The following SPMAP2L variants were observed in gnomAD, a reference collection of about 807,000 sequenced individuals.
The protein encoded by SPMAP2L is sperm microtubule associated protein 2 like, also known as sperm microtubule associated protein 2-like.
the SPMAP2L span, chr4:56,593,332 CCA>C: frequency 1.9e-5 from 22 of 1,135,018 alleles, no homozygotes; most frequent in Non-Finnish European, 3.0e-5. Context: ...CCATTGCCAC[CCA>C]CAGACAATAG....
chr4:56,558,130 G>A, the SPMAP2L span, among the ~76,000 whole-genome samples: 2 of 151,960 alleles, frequency 1.3e-5, no homozygotes, highest in Non-Finnish European at 2.9e-5. Context: ...CATCATGCCC[G>A]GCTAATTTTT....
At chr4:56,586,229 AT>A in the SPMAP2L span, among the ~76,000 whole-genome samples, 1 of 152,088 alleles carries the variant, frequency 6.6e-6, no homozygotes, top group South Asian at 2.1e-4. Flanking sequence ...AACAAAAGAT[AT>A]TTATTTCTCA....
At chr4:56,549,120 C>G in the SPMAP2L span, among the ~76,000 whole-genome samples, 3 of 151,944 alleles carry the variant, frequency 2.0e-5, 1 homozygote, top group South Asian at 6.2e-4. Flanking sequence ...TCCTGAGTAG[C>G]TGGGATTACG....
At chr4:56,569,065 A>G in the SPMAP2L span, among the ~76,000 whole-genome samples, 1 of 152,202 alleles carries the variant, frequency 6.6e-6, no homozygotes, top group Non-Finnish European at 1.5e-5. Context: ...ATCAGTTGTT[A>G]GACATTGGCC....
At chr4:56,576,336 G>T in the SPMAP2L span, among the ~76,000 whole-genome samples, 7 of 152,180 alleles carry the variant, frequency 4.6e-5, no homozygotes, top group Admixed American at 2.6e-4. Context: ...TAAGAAAGTG[G>T]TGACAGCTGT....
At chr4:56,563,100 T>TTC in the SPMAP2L span, among the ~76,000 whole-genome samples, 1 of 141,118 alleles carries the variant, frequency 7.1e-6, no homozygotes, top group Admixed American at 7.2e-5. Context: ...CTTTTTTTTT[T>TTC]TTTTTTTTTG....
the SPMAP2L span, among the ~76,000 whole-genome samples, chr4:56,581,548 AG>A: frequency 7.3e-3 from 1,105 of 152,124 alleles, 8 homozygotes; most frequent in Non-Finnish European, 0.011. Flanking sequence ...TGAGCCTGGG[AG>A]ATCAAGGCTG....
the SPMAP2L span, among the ~76,000 whole-genome samples, chr4:56,620,279 G>A: frequency 6.6e-6 from 1 of 151,948 alleles, no homozygotes; most frequent in Non-Finnish European, 1.5e-5. Flanking sequence ...TTTTTATGCT[G>A]AAAGAAAAGA....
chr4:56,566,458 A>AGT, the SPMAP2L span, among the ~76,000 whole-genome samples: 1 of 152,028 alleles, frequency 6.6e-6, no homozygotes, highest in Non-Finnish European at 1.5e-5. Flanking sequence ...TGGCCTCCCA[A>AGT]AATGCTGGGA....
the SPMAP2L span, among the ~76,000 whole-genome samples, chr4:56,601,343 G>A: frequency 2.0e-5 from 3 of 152,194 alleles, no homozygotes; most frequent in South Asian, 4.2e-4. Context: ...TCTAGGATGG[G>A]GCAGGTGGAT....
chr4:56,572,910 G>T, the SPMAP2L span, among the ~76,000 whole-genome samples: 1 of 152,000 alleles, frequency 6.6e-6, no homozygotes, highest in African/African-American at 2.4e-5. Flanking sequence ...TAGCTACTTG[G>T]GAAGCTGAGG....
the SPMAP2L span, among the ~76,000 whole-genome samples, chr4:56,597,108 C>T: frequency 1.3e-5 from 2 of 152,166 alleles, no homozygotes; most frequent in Non-Finnish European, 2.9e-5. Context: ...CTATGGTAGT[C>T]AGTGAAGGCC....
chr4:56,566,292 G>A, the SPMAP2L span, among the ~76,000 whole-genome samples: 2 of 152,024 alleles, frequency 1.3e-5, no homozygotes, highest in Non-Finnish European at 2.9e-5. Flanking sequence ...TCTGCCTTCC[G>A]GATTCAAGCA....
the SPMAP2L span, chr4:56,575,436 T>C: frequency 1.3e-6 from 2 of 1,507,312 alleles, no homozygotes; most frequent in Non-Finnish European, 1.8e-6. Flanking sequence ...GGATCGATGT[T>C]GGAAAATACT....
chr4:56,606,522 C>T, the SPMAP2L span, among the ~76,000 whole-genome samples: 1 of 151,780 alleles, frequency 6.6e-6, no homozygotes, highest in Admixed American at 6.6e-5. Context: ...TCTCCTACTA[C>T]CTGTGTCCCT....
At chr4:56,607,530 G>A in the SPMAP2L span, among the ~76,000 whole-genome samples, 3 of 152,178 alleles carry the variant, frequency 2.0e-5, no homozygotes, top group African/African-American at 7.2e-5. Flanking sequence ...AACTGGTAAT[G>A]GACAGAGACT....
chr4:56,607,690 A>T, the SPMAP2L span, among the ~76,000 whole-genome samples: 1 of 152,260 alleles, frequency 6.6e-6, no homozygotes, highest in South Asian at 2.1e-4. Flanking sequence ...GACAGTTGGC[A>T]GAAATATGGA....
At chr4:56,532,612 C>A in the SPMAP2L span, among the ~76,000 whole-genome samples, 1 of 152,166 alleles carries the variant, frequency 6.6e-6, no homozygotes, top group Non-Finnish European at 1.5e-5. Flanking sequence ...TTCTTCATTG[C>A]AGAACTTGTC....
At chr4:56,565,001 T>C in the SPMAP2L span, among the ~76,000 whole-genome samples, 1 of 152,212 alleles carries the variant, frequency 6.6e-6, no homozygotes. Flanking sequence ...GGTTTCTAAT[T>C]TAATACCACT....
Sources: allele counts gnomAD v4.1 joint callset (sites outside exome capture counted in the v4.1 genomes callset), GRCh38; gene constraint gnomAD v4.1.1; transcripts MANE v1.5; gene names NCBI Gene and HGNC (gene_info 2026-07-23, HGNC 2026-07-21).